DOCK3: variants seen among roughly 807,000 people sequenced by gnomAD.
DOCK3 encodes the protein dedicator of cytokinesis protein 3.
In DOCK3, 60 loss-of-function variants were observed where a neutral mutation model predicts 265.6. That is an observed-to-expected ratio of 0.23 (90% CI 0.18 to 0.28). DOCK3 has a LOEUF of 0.28. DOCK3 is among the 10% of genes least tolerant of loss of function. DOCK3 has a pLI of 1.00. For synonymous variants in DOCK3, 881 were observed against 938.0 expected (o/e 0.94, Z 1.11); for missense variants, 1,981 against 2,594.3 (o/e 0.76, Z 5.14).
intron 5 of DOCK3, among the ~76,000 whole-genome samples, chr3:51,001,421 C>G (rs1037501260): frequency 6.6e-6 from 1 of 152,144 alleles, no homozygotes; most frequent in Non-Finnish European, 1.5e-5. Context: ...ACCATAGACT[C>G]TCCTGGTTCT....
At chr3:51,061,275 C>T (rs957256779) in intron 5 of DOCK3, among the ~76,000 whole-genome samples, 53 of 152,096 alleles carry the variant, frequency 3.5e-4, no homozygotes, top group Non-Finnish European at 4.7e-4. Flanking sequence ...GTGTTTATTG[C>T]GGCACTATTC....
intron 27 of DOCK3, among the ~76,000 whole-genome samples, chr3:51,286,246 A>T (rs1239559811): frequency 6.6e-6 from 1 of 152,234 alleles, no homozygotes; most frequent in Non-Finnish European, 1.5e-5. Flanking sequence ...GTATCTAGGA[A>T]TAAAACTAAC....
At chr3:50,696,742 G>T (rs536583374) in intron 1 of DOCK3, among the ~76,000 whole-genome samples, 33 of 152,178 alleles carry the variant, frequency 2.2e-4, no homozygotes, top group African/African-American at 7.2e-4. Context: ...TGGGAAACCC[G>T]CATATGCACA....
At chr3:51,205,538 A>G (rs1347580072) in intron 12 of DOCK3, among the ~76,000 whole-genome samples, 1 of 151,750 alleles carries the variant, frequency 6.6e-6, no homozygotes, top group Non-Finnish European at 1.5e-5. Context: ...TACAAAAAAA[A>G]AAAAAAGACA....
chr3:50,763,311 C>T (rs900067717), intron 1 of DOCK3, among the ~76,000 whole-genome samples: 10 of 152,016 alleles, frequency 6.6e-5, no homozygotes, highest in African/African-American at 1.9e-4. Flanking sequence ...GATGGAGTCT[C>T]GCTCTGTTGC....
intron 38 of DOCK3, among the ~76,000 whole-genome samples, chr3:51,348,351 A>G (rs1475515691): frequency 2.6e-5 from 4 of 152,182 alleles, no homozygotes; most frequent in Non-Finnish European, 5.9e-5. Context: ...TGGTTTCCAT[A>G]CTTGTTTCTG....
chr3:51,186,916 C>T (rs916504432), intron 12 of DOCK3, among the ~76,000 whole-genome samples: 6 of 152,336 alleles, frequency 3.9e-5, no homozygotes, highest in African/African-American at 1.4e-4. Flanking sequence ...GCTTCAGGGG[C>T]AGGGCTCTCA....
intron 1 of DOCK3, among the ~76,000 whole-genome samples, chr3:50,753,516 T>C (rs1216252636): frequency 6.6e-6 from 1 of 152,032 alleles, no homozygotes; most frequent in Non-Finnish European, 1.5e-5. Flanking sequence ...ATTTGTTTGT[T>C]TGTTTGTTTG....
intron 21 of DOCK3, among the ~76,000 whole-genome samples, chr3:51,238,267 C>T (rs770650391): frequency 1.3e-5 from 2 of 150,552 alleles, no homozygotes; most frequent in East Asian, 2.0e-4. Context: ...CTCAGCCTCC[C>T]GAGTAGCTGG....
At chr3:51,281,973 G>T (rs948721665) in intron 27 of DOCK3, among the ~76,000 whole-genome samples, 1 of 152,156 alleles carries the variant, frequency 6.6e-6, no homozygotes, top group Admixed American at 6.5e-5. Context: ...GGGTGCACTC[G>T]CCAGCAGTCC....
rs1292875433 is a variant in DOCK3 at position 50,675,326 on chromosome 3, GGC to G, written c.37+28_37+29del. ...GTAGGTGAGGCTCAGGCCTGGCCGT[GGC>G]GGGGGTTCTGGGGGACGCGCCCAGC... On this transcript the variant is annotated intron_variant, in intron 1 of 52. Coordinates refer to ENST00000266037, the MANE Select transcript of DOCK3 (RefSeq NM_004947.5). The surrounding 1 kb of genome is among the most constrained non-coding windows in gnomAD (Gnocchi z 6.1). The G allele has an allele frequency of 2.4e-6, 3 of 1,242,708 alleles. No homozygotes were observed. The Admixed American group carries it at 1.1e-4, about 46-fold the overall frequency. The allele number at this position is 1,242,708 out of a possible 1,614,324, so 77.0% of individuals were successfully genotyped here. A position where few individuals can be genotyped will look rare whatever the true frequency, so the allele number is the denominator to read the frequency against.
intron 1 of DOCK3, among the ~76,000 whole-genome samples, chr3:50,687,518 A>G (rs972088046): frequency 6.6e-6 from 1 of 152,174 alleles, no homozygotes; most frequent in Non-Finnish European, 1.5e-5. Context: ...AAGTCATCTC[A>G]CTTCTGTGTG....
At chr3:51,221,027 C>G (rs1222601458) in intron 14 of DOCK3, among the ~76,000 whole-genome samples, 2 of 152,078 alleles carry the variant, frequency 1.3e-5, no homozygotes, top group Non-Finnish European at 2.9e-5. Context: ...CAGAAGAAAT[C>G]TGCAAACACA....
chr3:50,984,191 G>T (rs1183023043), intron 5 of DOCK3, among the ~76,000 whole-genome samples: 1 of 152,200 alleles, frequency 6.6e-6, no homozygotes. Flanking sequence ...CGAACCCAGT[G>T]GGCCCAAGCA....
At chr3:50,726,763 A>G (rs111378836) in intron 1 of DOCK3, among the ~76,000 whole-genome samples, 1 of 152,324 alleles carries the variant, frequency 6.6e-6, no homozygotes, top group African/African-American at 2.4e-5. Flanking sequence ...AATATAACCC[A>G]CAACAACAGC....
intron 23 of DOCK3, among the ~76,000 whole-genome samples, chr3:51,265,451 A>G (rs990621987): frequency 2.0e-5 from 3 of 152,196 alleles, no homozygotes; most frequent in Non-Finnish European, 2.9e-5. Context: ...AAAATCCTCA[A>G]TAAAATACTG....
intron 5 of DOCK3, among the ~76,000 whole-genome samples, chr3:50,973,408 G>A (rs1343005367): frequency 1.1e-4 from 16 of 143,162 alleles, no homozygotes; most frequent in Non-Finnish European, 1.8e-4. Context: ...TTGTTCTTGC[G>A]ATAGTTTACT....
At chr3:51,327,742 C>T (rs533486955) in intron 32 of DOCK3, among the ~76,000 whole-genome samples, 69 of 146,404 alleles carry the variant, frequency 4.7e-4, no homozygotes, top group African/African-American at 1.6e-3. Context: ...TGCAGTGGCA[C>T]AATCTCGGCT....
At chr3:50,677,914 T>C (rs776846550) in intron 1 of DOCK3, among the ~76,000 whole-genome samples, 6 of 152,158 alleles carry the variant, frequency 3.9e-5, no homozygotes, top group Non-Finnish European at 5.9e-5. Context: ...TGAGTGATTT[T>C]AGGCAGTGGG....
Sources: allele counts gnomAD v4.1 joint callset (sites outside exome capture counted in the v4.1 genomes callset), GRCh38; gene constraint gnomAD v4.1.1; non-coding constraint Gnocchi (gnomAD v3.1); transcripts MANE v1.5; gene names NCBI Gene and HGNC (gene_info 2026-07-23, HGNC 2026-07-21).